GLYATL2: variants seen among roughly 807,000 people sequenced by gnomAD.
GLYATL2 encodes the protein glycine N-acyltransferase-like protein 2.
In GLYATL2, 25 loss-of-function variants were observed where a neutral mutation model predicts 21.4. The observed-to-expected ratio is 1.17, with a 90% CI of 0.85 to 1.63. GLYATL2 has a LOEUF of 1.63. GLYATL2 is among the 40% of genes most tolerant of loss of function. The pLI is 0.00. For synonymous variants in GLYATL2, 114 were observed against 118.2 expected (o/e 0.96, Z 0.23); for missense variants, 361 against 343.3 (o/e 1.05, Z -0.41).
intron 1 of GLYATL2, chr11:58,878,379 T>C: frequency 1.6e-6 from 1 of 637,194 alleles, no homozygotes. Context: ...CTGAGGATCA[T>C]AGGTAAGCTC....
At chr11:58,881,066 T>C (rs1191010347) in intron 1 of GLYATL2, among the ~76,000 whole-genome samples, 3 of 152,222 alleles carry the variant, frequency 2.0e-5, no homozygotes, top group Non-Finnish European at 4.4e-5. Context: ...TTTTACATCA[T>C]TGGATTTAAT....
Position 58,837,411 on chromosome 11 carries a change from T to C in GLYATL2, c.187-14A>G, listed in dbSNP as rs1352015929. 6.2e-7 allele frequency: 1 copy of C among 1,607,954 alleles called. No individual in the cohort carries two copies. Among genetic ancestry groups the C allele is most frequent in the African/African-American group, 1.3e-5 (1 of 74,816 alleles). ...ATCTTTCATCTCCTGATATAACAAA[T>C]ATCAATTATATTTACATAGCGCTAC... On this transcript the variant is annotated splice_polypyrimidine_tract_variant and intron_variant, in intron 3 of 5. Coordinates refer to ENST00000287275, the MANE Select transcript of GLYATL2 (RefSeq NM_145016.4).
At chr11:58,873,586 G>A (rs1228196253) in intron 1 of GLYATL2, among the ~76,000 whole-genome samples, 7 of 152,102 alleles carry the variant, frequency 4.6e-5, no homozygotes, top group South Asian at 2.1e-4. Context: ...ACTGGATTAC[G>A]TTTATTGATT....
chr11:58,893,653 AAGCAGGGGATAT>A (rs1374647055), intron 1 of GLYATL2, among the ~76,000 whole-genome samples: 1 of 152,168 alleles, frequency 6.6e-6, no homozygotes, highest in Non-Finnish European at 1.5e-5. Context: ...TGGAGGTGGG[AAGCAGGGGATAT>A]AGTCTTTGAA....
intron 1 of GLYATL2, among the ~76,000 whole-genome samples, chr11:58,844,165 G>A (rs78279692): frequency 0.017 from 2,559 of 152,052 alleles, 65 homozygotes; most frequent in African/African-American, 0.058. Context: ...AAAGGTACAA[G>A]CATATTGATA....
At chr11:58,891,744 T>C (rs1854547784) in intron 1 of GLYATL2, among the ~76,000 whole-genome samples, 1 of 152,190 alleles carries the variant, frequency 6.6e-6, no homozygotes. Context: ...TAACCCAGAA[T>C]GTGTCCCACA....
At position 58,834,774 on chromosome 11, in the gene GLYATL2, C is replaced by T; in HGVS notation, c.540G>A (p.Trp180Ter). The T allele has an allele frequency of 6.2e-7, 1 of 1,613,608 alleles. No homozygotes were observed. The highest frequency in any genetic ancestry group is 8.5e-7 in the Non-Finnish European group (1 of 1,179,732). The change falls in exon 6 of 6, where the codon TGG (tryptophan) becomes TGA (stop). Residue 180 changes from tryptophan to a stop codon, truncating the protein, a stop_gained. Coordinates refer to ENST00000287275, the MANE Select transcript of GLYATL2 (RefSeq NM_145016.4). LOFTEE classifies it low-confidence loss of function (END_TRUNC). ...AGCTCCTCTCATTTTTCCCAAAGGC[C>T]CAGTGTTCATTCACAAGACCTGCAT... ...ASHAGLVNEH[W>*]AFGKNERSLK...
Position 58,900,157 on chromosome 11 carries a change from G to A in GLYATL2, n.60+3999C>T, listed in dbSNP as rs561021670. Among the ~76,000 whole-genome samples the A allele has an allele frequency of 1.1e-4, 17 of 152,296 alleles. 1 individual carries two copies. The South Asian group carries it at 3.1e-3, about 28-fold the overall frequency. ...CCCATGCCTTGTAGATGACCCCTAAGAAATGAATGAGTGAATGAACGCGTG... is the reference window on the plus strand; with the variant it reads ...CCCATGCCTTGTAGATGACCCCTAAAAAATGAATGAGTGAATGAACGCGTG... On this transcript the variant is annotated intron_variant and non_coding_transcript_variant, in intron 1 of 4. Coordinates refer to the GLYATL2 transcript ENST00000533636.
chr11:58,862,636 G>A (rs1853951911), intron 1 of GLYATL2, among the ~76,000 whole-genome samples: 1 of 152,006 alleles, frequency 6.6e-6, no homozygotes, highest in Non-Finnish European at 1.5e-5. Context: ...TGTCCTTTAT[G>A]TCCAGCATTT....
upstream of GLYATL2, chr11:58,905,562 C>T (rs1022104335): frequency 2.2e-6 from 1 of 456,192 alleles, no homozygotes; most frequent in African/African-American, 2.0e-5. Flanking sequence ...ATCTCCCATA[C>T]CCACCCGGCT....
chr11:58,888,165 G>T (rs561990931), intron 1 of GLYATL2, among the ~76,000 whole-genome samples: 1 of 151,958 alleles, frequency 6.6e-6, no homozygotes, highest in African/African-American at 2.4e-5. Flanking sequence ...TTTACACTGG[G>T]GTTTTGTGTC....
chr11:58,865,565 G>T (rs1237888790), intron 1 of GLYATL2, among the ~76,000 whole-genome samples: 1 of 149,260 alleles, frequency 6.7e-6, no homozygotes, highest in African/African-American at 2.4e-5. Context: ...GATTCAGAAC[G>T]TCTGGGTTCT....
intron 1 of GLYATL2, among the ~76,000 whole-genome samples, chr11:58,850,586 T>C (rs1448870803): frequency 6.6e-6 from 1 of 151,510 alleles, no homozygotes; most frequent in East Asian, 1.9e-4. Context: ...AAGACGAGAG[T>C]GTGAGCCCTC....
At chr11:58,850,010 A>T (rs1943297) in intron 1 of GLYATL2, among the ~76,000 whole-genome samples, 1 of 152,066 alleles carries the variant, frequency 6.6e-6, no homozygotes, top group Non-Finnish European at 1.5e-5. Flanking sequence ...TTCCAAACTC[A>T]TTCTATGAGG....
At chr11:58,861,224 G>A (rs1853925118) in intron 1 of GLYATL2, among the ~76,000 whole-genome samples, 1 of 151,820 alleles carries the variant, frequency 6.6e-6, no homozygotes, top group Non-Finnish European at 1.5e-5. Context: ...AAGGTCCTGG[G>A]CTTCTCTTTG....
chr11:58,860,436 T>C (rs1853911243), intron 1 of GLYATL2, among the ~76,000 whole-genome samples: 1 of 152,148 alleles, frequency 6.6e-6, no homozygotes, highest in Non-Finnish European at 1.5e-5. Context: ...ACCACTGATT[T>C]ATGTATGTTC....
chr11:58,908,344 T>A (rs1854957671), upstream of GLYATL2: 1 of 152,674 alleles, frequency 6.5e-6, no homozygotes. Flanking sequence ...TGTTTGAAAG[T>A]GGTTATTTCA....
intron 1 of GLYATL2, among the ~76,000 whole-genome samples, chr11:58,891,169 T>C (rs1854537304): frequency 6.6e-6 from 1 of 152,190 alleles, no homozygotes; most frequent in Non-Finnish European, 1.5e-5. Context: ...TCTTTAAAAT[T>C]AGTTACACCA....
chr11:58,883,148 C>T (rs994539070), intron 1 of GLYATL2, among the ~76,000 whole-genome samples: 12 of 152,086 alleles, frequency 7.9e-5, no homozygotes, highest in Admixed American at 2.0e-4. Flanking sequence ...CCTTGGGCAA[C>T]ATGGACATTT....
Sources: allele counts gnomAD v4.1 joint callset (sites outside exome capture counted in the v4.1 genomes callset), GRCh38; gene constraint gnomAD v4.1.1; transcripts MANE v1.5; gene names NCBI Gene and HGNC (gene_info 2026-07-23, HGNC 2026-07-21).